TMC1: variants seen among roughly 807,000 people sequenced by gnomAD.
The protein encoded by TMC1 is transmembrane channel like 1, also known as transmembrane channel-like protein 1.
In TMC1, 84 loss-of-function variants were observed where a neutral mutation model predicts 105.8. That is an observed-to-expected ratio of 0.79 (90% CI 0.67 to 0.95). The LOEUF is 0.95. TMC1 is among the 40% of genes least tolerant of loss of function. TMC1 has a pLI of 0.00. For synonymous variants in TMC1, 315 were observed against 311.5 expected, an observed-to-expected ratio of 1.01 and a Z score of -0.12; for missense variants, 817 against 914.1, an observed-to-expected ratio of 0.89 and a Z score of 1.37.
chr9:72,711,448 A>T (rs1826833734), intron 8 of TMC1, among the ~76,000 whole-genome samples: 1 of 152,134 alleles, frequency 6.6e-6, no homozygotes, highest in South Asian at 2.1e-4. Context: ...TGACTTTTTA[A>T]TGATCACCAT....
At chr9:72,697,706 G>T (rs1040974766) in intron 7 of TMC1, among the ~76,000 whole-genome samples, 1 of 151,978 alleles carries the variant, frequency 6.6e-6, no homozygotes, top group Non-Finnish European at 1.5e-5. Context: ...TTTTACATGT[G>T]ATTCTTAATG....
In TMC1 at chr9:72,714,666, C is replaced by T. The variant is rs147180562; in HGVS notation, c.362+14023C>T. On this transcript the variant is annotated intron_variant, in intron 8 of 23. Coordinates refer to ENST00000297784, the MANE Select transcript of TMC1 (RefSeq NM_138691.3). ...TTTTGAGCCTATGTGTGTCTTTGCA[C>T]GTCAGATGGGTCTCCTGAATACAGC... is the stretch of plus-strand genomic sequence containing the variant. 8.9e-3 allele frequency among the ~76,000 whole-genome samples: 1,350 copies of T among 152,122 alleles called. 23 individuals are homozygous for T. Among genetic ancestry groups the T allele is most frequent in the African/African-American group, 0.031 (1,289 of 41,504 alleles).
At chr9:72,559,031 T>G (rs934881743) in intron 1 of TMC1, among the ~76,000 whole-genome samples, 5 of 152,190 alleles carry the variant, frequency 3.3e-5, no homozygotes, top group East Asian at 1.9e-4. Flanking sequence ...GTCATACAAC[T>G]TCTCTGATAC....
chr9:72,605,715 A>G (rs1359500409), intron 2 of TMC1, among the ~76,000 whole-genome samples: 1 of 151,412 alleles, frequency 6.6e-6, no homozygotes, highest in Non-Finnish European at 1.5e-5. Context: ...AGCTGGGATT[A>G]CAGGCATACA....
intron 5 of TMC1, among the ~76,000 whole-genome samples, chr9:72,654,762 A>AT (rs1564470850): frequency 6.6e-6 from 1 of 150,924 alleles, no homozygotes; most frequent in East Asian, 1.9e-4. Context: ...AGTCTTTCAT[A>AT]TTTTCTCATG....
chr9:72,566,572 G>T (rs780889772), intron 1 of TMC1, among the ~76,000 whole-genome samples: 5 of 152,140 alleles, frequency 3.3e-5, no homozygotes, highest in Non-Finnish European at 1.5e-5. Flanking sequence ...TTTGTGGAAA[G>T]GGGGAGACCA....
intron 5 of TMC1, chr9:72,651,514 T>G (rs899494528): frequency 1.3e-5 from 2 of 152,090 alleles, no homozygotes; most frequent in African/African-American, 4.8e-5. Flanking sequence ...GGGCAAGTGG[T>G]TGGTTGGGGC....
At chr9:72,742,657 A>C in intron 10 of TMC1, 132 bp downstream of exon 10, 2 of 809,818 alleles carry the variant, frequency 2.5e-6, no homozygotes, top group Non-Finnish European at 2.1e-6. Flanking sequence ...CAAAAACCAA[A>C]TCAACAAAAA....
At chr9:72,764,582 T>C (rs1827802819) in intron 12 of TMC1, among the ~76,000 whole-genome samples, 1 of 152,188 alleles carries the variant, frequency 6.6e-6, no homozygotes, top group Non-Finnish European at 1.5e-5. Context: ...TTTGATTCAT[T>C]AAATCCCAAC....
At chr9:72,573,928 C>T (rs1824330972) in intron 1 of TMC1, among the ~76,000 whole-genome samples, 1 of 152,142 alleles carries the variant, frequency 6.6e-6, no homozygotes, top group Non-Finnish European at 1.5e-5. Flanking sequence ...CTTTTCTGCT[C>T]CTCTCCCTCC....
chr9:72,622,623 C>A (rs966783970), intron 3 of TMC1, among the ~76,000 whole-genome samples: 1 of 152,110 alleles, frequency 6.6e-6, no homozygotes, highest in Non-Finnish European at 1.5e-5. Context: ...CCACTTGGAC[C>A]TTGAATGATA....
chr9:72,569,064 G>C (rs1342369870), intron 1 of TMC1, among the ~76,000 whole-genome samples: 1 of 152,002 alleles, frequency 6.6e-6, no homozygotes, highest in Non-Finnish European at 1.5e-5. Context: ...TATCTGTTGG[G>C]GACTGATTCC....
chr9:72,756,056 C>T (rs1197313989), intron 12 of TMC1, among the ~76,000 whole-genome samples: 4 of 152,120 alleles, frequency 2.6e-5, no homozygotes, highest in Non-Finnish European at 4.4e-5. Flanking sequence ...GAAAAGTTTC[C>T]CATCTCCGAA....
chr9:72,538,834 C>T (rs893589320), intron 1 of TMC1, among the ~76,000 whole-genome samples: 13 of 152,138 alleles, frequency 8.5e-5, no homozygotes, highest in African/African-American at 3.1e-4. Flanking sequence ...CTTATTGCTA[C>T]AAAGAGTCTG....
chr9:72,565,675 C>T (rs7857847), intron 1 of TMC1, among the ~76,000 whole-genome samples: 3,152 of 152,136 alleles, frequency 0.021, 113 homozygotes, highest in African/African-American at 0.071. Flanking sequence ...AGAGGTTTAA[C>T]GGACTCACCG....
chr9:72,780,492 C>G (rs1828078211), intron 13 of TMC1, among the ~76,000 whole-genome samples: 1 of 152,174 alleles, frequency 6.6e-6, no homozygotes, highest in Admixed American at 6.5e-5. Context: ...CAAGAACCAA[C>G]TGTATGTTGT....
Position 72,700,524 on chromosome 9 carries a change from AG to A in TMC1, c.244del (p.Glu82LysfsTer11). ...TTCTTTTTTACTTTTAAAGAGAAGA[AG>A]AAGAAATTGATGAAGAGGAATTGGA... ...RRRLKRGAEE[E>X]EIDEEELERL... On this transcript the variant is annotated frameshift_variant, in exon 8 of 24. Transcript: ENST00000297784. LOFTEE classifies it high-confidence loss of function. 1 of 1,595,678 alleles carries A rather than the reference AG, an allele frequency of 6.3e-7. No individual in the cohort carries two copies. The highest frequency in any genetic ancestry group is 8.6e-7 in the Non-Finnish European group (1 of 1,168,258).
chr9:72,830,526 AATGGTATGATAC>A lies in TMC1; in HGVS notation c.2207_2208+10del, dbSNP rs1441014566. 6.2e-7 allele frequency: 1 copy of A among 1,612,790 alleles called. No homozygotes were observed. The highest frequency in any genetic ancestry group is 1.3e-5 in the African/African-American group (1 of 75,010). Reference sequence around the variant, plus strand: ...ATCTGGATCTCAAAAAGAAGATGAAAATGGTATGATACAATTTATTTCATAGAAATATTATCT... The same window carrying A: ...ATCTGGATCTCAAAAAGAAGATGAAAAATTTATTTCATAGAAATATTATCT... On this transcript the variant is annotated splice_donor_variant and splice_donor_5th_base_variant and coding_sequence_variant and intron_variant, in exon 22 of 24. Coordinates refer to ENST00000297784, the MANE Select transcript of TMC1 (RefSeq NM_138691.3). LOFTEE classifies it high-confidence loss of function.
At chr9:72,735,874 A>G (rs1004157121) in intron 8 of TMC1, among the ~76,000 whole-genome samples, 1 of 152,092 alleles carries the variant, frequency 6.6e-6, no homozygotes, top group Non-Finnish European at 1.5e-5. Flanking sequence ...CCCTGGCTTT[A>G]TTTTAAACCC....
Sources: allele counts gnomAD v4.1 joint callset (sites outside exome capture counted in the v4.1 genomes callset), GRCh38; gene constraint gnomAD v4.1.1; transcripts MANE v1.5; gene names NCBI Gene and HGNC (gene_info 2026-07-23, HGNC 2026-07-21).